The following CSMD1 variants were observed in gnomAD, a reference collection of about 807,000 sequenced individuals.
CSMD1 encodes the protein CUB and Sushi multiple domains 1, also known as CUB and sushi domain-containing protein 1.
CSMD1 carries 213 observed loss-of-function variants against 417.5 expected under a neutral mutation model. The ratio of observed to expected loss-of-function variants is 0.51; its 90% CI spans 0.46 to 0.57. CSMD1 has a LOEUF of 0.57. Ranked by LOEUF, CSMD1 falls within the 20% of genes least tolerant of loss-of-function variation. The pLI is 0.00. For synonymous variants in CSMD1, 2,862 were observed against 1,736.8 expected (o/e 1.65, Z -16.11); for missense variants, 6,923 against 4,529.7 (o/e 1.53, Z -15.17).
intron 2 of CSMD1, among the ~76,000 whole-genome samples, chr8:4,439,712 G>A (rs760300770): frequency 1.3e-5 from 2 of 152,098 alleles, no homozygotes; most frequent in South Asian, 2.1e-4. Context: ...AATTTAGTTA[G>A]GTTTTGAAAT....
At chr8:4,189,235 G>A (rs1798870493) in intron 3 of CSMD1, among the ~76,000 whole-genome samples, 1 of 152,196 alleles carries the variant, frequency 6.6e-6, no homozygotes, top group Non-Finnish European at 1.5e-5. Flanking sequence ...ACCCATAACA[G>A]ATCTAAGCCC....
At chr8:4,195,974 C>A (rs994231795) in intron 3 of CSMD1, among the ~76,000 whole-genome samples, 1 of 151,750 alleles carries the variant, frequency 6.6e-6, no homozygotes, top group Non-Finnish European at 1.5e-5. Context: ...CACTTTGGGG[C>A]ACCGAGGTGA....
intron 10 of CSMD1, among the ~76,000 whole-genome samples, chr8:3,513,832 C>A (rs999357922): frequency 6.6e-6 from 1 of 152,118 alleles, no homozygotes; most frequent in African/African-American, 2.4e-5. Context: ...AAGAAAACTG[C>A]ATTGCAGATT....
At chr8:4,901,579 C>T (rs933981774) in intron 1 of CSMD1, among the ~76,000 whole-genome samples, 1 of 151,882 alleles carries the variant, frequency 6.6e-6, no homozygotes, top group Non-Finnish European at 1.5e-5. Context: ...TCAGATGTTT[C>T]TTTACGTTTC....
At chr8:4,153,272 G>A (rs549608697) in intron 3 of CSMD1, among the ~76,000 whole-genome samples, 1 of 152,312 alleles carries the variant, frequency 6.6e-6, no homozygotes, top group African/African-American at 2.4e-5. Context: ...TATAAAGACA[G>A]AGTGTCCAAG....
chr8:4,276,746 T>G (rs987371028), intron 3 of CSMD1, among the ~76,000 whole-genome samples: 1 of 152,340 alleles, frequency 6.6e-6, no homozygotes, highest in Non-Finnish European at 1.5e-5. Flanking sequence ...TATATGTGTT[T>G]TGATGTTTCT....
chr8:3,619,701 A>G (rs1802326429), intron 7 of CSMD1, among the ~76,000 whole-genome samples: 1 of 152,172 alleles, frequency 6.6e-6, no homozygotes, highest in Admixed American at 6.5e-5. Flanking sequence ...AAAAGCAGAA[A>G]GAGAAAAGCA....
chr8:4,579,268 C>CAT (rs112909415), intron 2 of CSMD1, among the ~76,000 whole-genome samples: 161 of 149,376 alleles, frequency 1.1e-3, no homozygotes, highest in African/African-American at 3.7e-3. Context: ...CATATATATA[C>CAT]ATATATATAT....
intron 1 of CSMD1, among the ~76,000 whole-genome samples, chr8:4,697,504 G>C (rs1297452586): frequency 6.6e-6 from 1 of 152,142 alleles, no homozygotes; most frequent in African/African-American, 2.4e-5. Context: ...TTTGGCTTTA[G>C]GTGGAATTCT....
intron 23 of CSMD1, among the ~76,000 whole-genome samples, chr8:3,341,994 G>C (rs1051456785): frequency 6.6e-6 from 1 of 152,182 alleles, no homozygotes; most frequent in Non-Finnish European, 1.5e-5. Flanking sequence ...AGACATTTCT[G>C]AGAGGGAAAT....
chr8:3,646,350 T>C (rs1006257838), intron 7 of CSMD1, among the ~76,000 whole-genome samples: 25 of 152,222 alleles, frequency 1.6e-4, no homozygotes, highest in African/African-American at 6.0e-4. Context: ...AATATTTTTA[T>C]ATGTATTTTC....
intron 40 of CSMD1, among the ~76,000 whole-genome samples, chr8:3,150,466 C>G (rs1315949246): frequency 6.6e-6 from 1 of 152,216 alleles, no homozygotes; most frequent in African/African-American, 2.4e-5. Flanking sequence ...CAAGTCCACC[C>G]TGACTGCTCA....
chr8:4,748,829 G>C (rs945549926), intron 1 of CSMD1, among the ~76,000 whole-genome samples: 4 of 152,178 alleles, frequency 2.6e-5, no homozygotes, highest in African/African-American at 9.7e-5. Flanking sequence ...GCCCCTTCGG[G>C]AGAGTTCACC....
At chr8:3,916,337 T>C (rs1584958980) in intron 5 of CSMD1, among the ~76,000 whole-genome samples, 1 of 152,200 alleles carries the variant, frequency 6.6e-6, no homozygotes. Context: ...TTATATAGCA[T>C]GAATATTGTC....
At chr8:3,242,724 C>A (rs1423197293) in intron 26 of CSMD1, among the ~76,000 whole-genome samples, 1 of 151,434 alleles carries the variant, frequency 6.6e-6, no homozygotes, top group African/African-American at 2.4e-5. Flanking sequence ...AGGAAGCAAG[C>A]CCAGAGAAAA....
At chr8:3,223,138 A>G (rs1798310743) in intron 28 of CSMD1, among the ~76,000 whole-genome samples, 2 of 152,322 alleles carry the variant, frequency 1.3e-5, no homozygotes, top group Admixed American at 1.3e-4. Context: ...TACTAATAAT[A>G]TAATTATTTA....
At chr8:3,684,964 C>G (rs897645841) in intron 7 of CSMD1, among the ~76,000 whole-genome samples, 1 of 152,090 alleles carries the variant, frequency 6.6e-6, no homozygotes, top group Non-Finnish European at 1.5e-5. Flanking sequence ...TTGGAATAAC[C>G]TGTGGTAGGA....
chr8:3,502,762 T>G (rs1326518705), intron 10 of CSMD1, among the ~76,000 whole-genome samples: 1 of 152,202 alleles, frequency 6.6e-6, no homozygotes, highest in Admixed American at 6.5e-5. Context: ...TGAAACTCTC[T>G]GTGTGATGTT....
chr8:3,746,748 C>G (rs956824359), intron 6 of CSMD1, among the ~76,000 whole-genome samples: 1 of 152,106 alleles, frequency 6.6e-6, no homozygotes. Context: ...TTACCAGATA[C>G]CCAGAAGCTG....
Sources: gnomAD v4.1 joint callset for allele counts (sites outside exome capture counted in the v4.1 genomes callset) on GRCh38, gnomAD v4.1.1 for gene constraint, MANE v1.5 for transcripts, NCBI Gene and HGNC (gene_info 2026-07-23, HGNC 2026-07-21) for gene names.